Variants in CDH19 observed in about 807,000 individuals in gnomAD.
CDH19 encodes cadherin 19.
Under a neutral mutation model 64.2 loss-of-function variants are expected in CDH19, and 67 were observed. The observed-to-expected ratio is 1.04, with a 90% CI of 0.86 to 1.28. The LOEUF is 1.28. Ranked by LOEUF, CDH19 falls within the 50% of genes most tolerant of loss-of-function variation. The pLI, the probability that CDH19 is intolerant of heterozygous loss-of-function variation, is 0.00. For synonymous variants in CDH19, 346 were observed against 319.3 expected, an observed-to-expected ratio of 1.08 and a Z score of -0.89; for missense variants, 1,030 against 929.0, an observed-to-expected ratio of 1.11 and a Z score of -1.41.
chr18:66,537,895 G>A (rs1986735994), intron 7 of CDH19, among the ~76,000 whole-genome samples: 1 of 152,122 alleles, frequency 6.6e-6, no homozygotes, highest in East Asian at 1.9e-4. Context: ...TTATTTCCAT[G>A]TAATTCCTTC....
chr18:66,587,388 A>C (rs192741139), intron 1 of CDH19, among the ~76,000 whole-genome samples: 1 of 152,204 alleles, frequency 6.6e-6, no homozygotes, highest in East Asian at 1.9e-4. Context: ...CCATCACTCT[A>C]AGAAAAGCTT....
At position 66,603,976 on chromosome 18, in the gene CDH19, A is replaced by G. The variant is rs1196562367; in HGVS notation, c.-135T>C. On this transcript the variant is annotated 5_prime_UTR_variant, in exon 1 of 12. Transcript: ENST00000262150. Reference sequence around the variant, plus strand: ...TACCTTTGTAACTTCAACTTCTAGAAGTTCTGTGAAAACTGAACAGCAAAC... The same window carrying G: ...TACCTTTGTAACTTCAACTTCTAGAGGTTCTGTGAAAACTGAACAGCAAAC... 1 of 152,156 alleles carries G rather than the reference A, an allele frequency of 6.6e-6. No homozygotes were observed. Among genetic ancestry groups the G allele is most frequent in the Admixed American group, 6.5e-5 (1 of 15,270 alleles). 9.4% of individuals were successfully genotyped at this position (152,156 alleles called of 1,614,324 possible). A position where few individuals can be genotyped will look rare whatever the true frequency, so the allele number is the denominator to read the frequency against.
chr18:66,554,502 T>G lies in CDH19; in HGVS notation c.513A>C (p.Thr171=). The G allele has an allele frequency of 6.2e-7, 1 of 1,611,316 alleles. No homozygotes were observed. Among genetic ancestry groups the G allele is most frequent in the Non-Finnish European group, 8.5e-7 (1 of 1,178,052 alleles). The change falls in exon 4 of 12, where the codon ACA becomes ACC. Residue 171 remains threonine, a synonymous_variant. Coordinates refer to ENST00000262150, the MANE Select transcript of CDH19 (RefSeq NM_021153.4). The part of the protein sequence containing the change: ...SPEGTLVIQV[T]ASDADDPSSG... ...TTGAGGGATCGTCAGCATCACTTGC[T>G]GTCACCTGGATAACTAATGTTCCTA...
rs892904879 is a variant in CDH19, at chr18:66,520,837, C to T, written c.1458+9008G>A. 8.6e-5 allele frequency among the ~76,000 whole-genome samples: 13 copies of T among 151,874 alleles called. No individual in the cohort carries two copies. The East Asian group carries it at 2.3e-3, about 27-fold the overall frequency. On this transcript the variant is annotated intron_variant, in intron 9 of 11. Coordinates refer to ENST00000262150, the MANE Select transcript of CDH19 (RefSeq NM_021153.4). Reference sequence around the variant, plus strand: ...AAAGGTAATACAAGAAAACGTTGCTCCTGTAGGATGATTTATTGATTGTTA... The same window carrying T: ...AAAGGTAATACAAGAAAACGTTGCTTCTGTAGGATGATTTATTGATTGTTA...
intron 3 of CDH19, among the ~76,000 whole-genome samples, chr18:66,559,613 T>C (rs1399697696): frequency 6.6e-6 from 1 of 151,576 alleles, no homozygotes; most frequent in African/African-American, 2.4e-5. Context: ...AAACATTAAA[T>C]TCATAAATTT....
chr18:66,519,011 C>A (rs972829662), intron 9 of CDH19, among the ~76,000 whole-genome samples: 5 of 152,094 alleles, frequency 3.3e-5, no homozygotes, highest in Non-Finnish European at 7.3e-5. Flanking sequence ...ATATCACACA[C>A]GTATGATGAC....
At chr18:66,525,579 A>C (rs1171943656) in intron 9 of CDH19, among the ~76,000 whole-genome samples, 1 of 152,152 alleles carries the variant, frequency 6.6e-6, no homozygotes, top group Admixed American at 6.6e-5. Flanking sequence ...TCAACACTGG[A>C]GGAAACACAA....
At chr18:66,534,922 A>G (rs1598989560) in intron 8 of CDH19, 64 bp downstream of exon 8, 1 of 1,156,918 alleles carries the variant, frequency 8.6e-7, no homozygotes, top group Non-Finnish European at 1.2e-6. Context: ...CCCCATGTAT[A>G]GAAATTTGTA....
intron 8 of CDH19, among the ~76,000 whole-genome samples, chr18:66,530,522 G>A (rs1986402161): frequency 6.6e-6 from 1 of 151,868 alleles, no homozygotes; most frequent in South Asian, 2.1e-4. Flanking sequence ...AAGTAAAATA[G>A]TTATAATAAA....
intron 3 of CDH19, among the ~76,000 whole-genome samples, chr18:66,556,395 C>CTT (rs1370247716): frequency 6.6e-6 from 1 of 151,696 alleles, no homozygotes; most frequent in Non-Finnish European, 1.5e-5. Flanking sequence ...TTATCTGATA[C>CTT]TTTGTATTCT....
At chr18:66,524,540 GTGTATATATA>G (rs964462158) in intron 9 of CDH19, among the ~76,000 whole-genome samples, 5 of 72,256 alleles carry the variant, frequency 6.9e-5, no homozygotes, top group African/African-American at 2.4e-4. Flanking sequence ...GTATGTTTGT[GTGTATATATA>G]TATATATATA....
At chr18:66,522,663 T>TA (rs1986048161) in intron 9 of CDH19, among the ~76,000 whole-genome samples, 1 of 151,294 alleles carries the variant, frequency 6.6e-6, no homozygotes, top group South Asian at 2.1e-4. Context: ...ATTATATATA[T>TA]TTTTTCTTCT....
At chr18:66,591,537 T>A (rs1363084611) in intron 1 of CDH19, among the ~76,000 whole-genome samples, 1 of 151,882 alleles carries the variant, frequency 6.6e-6, no homozygotes, top group Non-Finnish European at 1.5e-5. Context: ...TTTTCAGAGT[T>A]GGCAGTAGAC....
chr18:66,523,617 T>TG (rs1380828365), intron 9 of CDH19, among the ~76,000 whole-genome samples: 81 of 83,212 alleles, frequency 9.7e-4, no homozygotes, highest in African/African-American at 1.0e-3. Flanking sequence ...TCGGTGGGGG[T>TG]GGGGGGGGAG....
intron 3 of CDH19, among the ~76,000 whole-genome samples, chr18:66,567,133 A>T (rs570761739): frequency 1.3e-5 from 2 of 151,954 alleles, no homozygotes; most frequent in Non-Finnish European, 2.9e-5. Context: ...TCTTATTTGT[A>T]TATAACTAAA....
At chr18:66,544,450 A>G (rs1292234287) in intron 6 of CDH19, among the ~76,000 whole-genome samples, 1 of 152,188 alleles carries the variant, frequency 6.6e-6, no homozygotes, top group Non-Finnish European at 1.5e-5. Flanking sequence ...TTTTGAAAGC[A>G]TAAACATCTA....
intron 9 of CDH19, among the ~76,000 whole-genome samples, chr18:66,519,761 A>G (rs940028402): frequency 1.9e-4 from 29 of 152,212 alleles, no homozygotes; most frequent in Non-Finnish European, 1.0e-4. Context: ...ACATTTAAAT[A>G]ATACATAAAA....
At chr18:66,525,780 T>C (rs933965382) in intron 9 of CDH19, among the ~76,000 whole-genome samples, 3 of 152,114 alleles carry the variant, frequency 2.0e-5, no homozygotes, top group Non-Finnish European at 4.4e-5. Flanking sequence ...TGGATTTAAA[T>C]GGAGGAACAT....
chr18:66,573,963 C>A (rs1988188999), intron 1 of CDH19, among the ~76,000 whole-genome samples: 1 of 150,962 alleles, frequency 6.6e-6, no homozygotes, highest in Non-Finnish European at 1.5e-5. Flanking sequence ...CACTTTTAAA[C>A]ATCAAAGCTT....
Sources: allele counts gnomAD v4.1 joint callset (sites outside exome capture counted in the v4.1 genomes callset), GRCh38; gene constraint gnomAD v4.1.1; transcripts MANE v1.5; gene names NCBI Gene and HGNC (gene_info 2026-07-23, HGNC 2026-07-21).